Variants in TMEM131 observed in about 807,000 individuals in gnomAD.
TMEM131 encodes 2610524E03Rik.
A neutral mutation model predicts 211.6 loss-of-function variants in TMEM131; 66 were observed. That is an observed-to-expected ratio of 0.31 (90% CI 0.26 to 0.38). TMEM131 has a LOEUF of 0.38. TMEM131 is among the 10% of genes least tolerant of loss of function. The pLI is 1.00. For missense variants in TMEM131, 2,036 were observed against 2,299.3 expected, an observed-to-expected ratio of 0.89 and a Z score of 2.34; for synonymous variants, 844 against 841.3, an observed-to-expected ratio of 1.00 and a Z score of -0.06.
intron 1 of TMEM131, among the ~76,000 whole-genome samples, chr2:97,962,981 C>T (rs545004421): frequency 7.4e-4 from 113 of 152,108 alleles, no homozygotes; most frequent in Non-Finnish European, 1.2e-3. Flanking sequence ...AAAAGCAGAG[C>T]AATAGTTGTT....
rs558236735 is a variant in TMEM131 at position 97,832,358 on chromosome 2, T to C, written c.1074+1007A>G. On this transcript the variant is annotated intron_variant, in intron 11 of 40. Coordinates refer to ENST00000186436, the MANE Select transcript of TMEM131 (RefSeq NM_015348.2). ...TACGTAAAAAGTTAGGCTGGTTTGC[T>C]TGGGCTAAGTAAAGGCACTTTCCCA... Among the ~76,000 whole-genome samples the C allele has an allele frequency of 2.8e-4, 42 of 152,362 alleles. 1 individual carries two copies. In the South Asian group the frequency reaches 7.9e-3, roughly 29 times the overall value.
At chr2:97,857,779 T>C (rs1057370055) in intron 5 of TMEM131, among the ~76,000 whole-genome samples, 1 of 152,186 alleles carries the variant, frequency 6.6e-6, no homozygotes, top group Non-Finnish European at 1.5e-5. Flanking sequence ...TGTCACTCAC[T>C]GCATGACTGG....
At chr2:97,765,146 G>A (rs1028405584) in intron 35 of TMEM131, 3 of 152,234 alleles carry the variant, frequency 2.0e-5, no homozygotes, top group Non-Finnish European at 4.4e-5. Flanking sequence ...CTGAGTGAAG[G>A]ATTTAGGATT....
chr2:97,834,703 T>C, intron 9 of TMEM131, 26 bp from the exon 10 acceptor site: 9 of 1,595,012 alleles, frequency 5.6e-6, no homozygotes, highest in Non-Finnish European at 7.7e-6. Flanking sequence ...AGTCAACAAT[T>C]ATTTTTCACT....
chr2:97,994,623 A>T (rs1423810160), intron 1 of TMEM131, among the ~76,000 whole-genome samples: 1 of 152,164 alleles, frequency 6.6e-6, no homozygotes, highest in Non-Finnish European at 1.5e-5. Context: ...CTATTCACTT[A>T]GTCAATTCTT....
intron 4 of TMEM131, among the ~76,000 whole-genome samples, chr2:97,885,044 C>A (rs1215988208): frequency 1.3e-5 from 2 of 152,084 alleles, no homozygotes; most frequent in Admixed American, 6.5e-5. Flanking sequence ...ATTCTTTTTC[C>A]TTTCTTTGTA....
chr2:97,777,715 T>C lies in TMEM131; in HGVS notation c.4145-1697A>G, dbSNP rs192966465. On this transcript the variant is annotated intron_variant, in intron 31 of 40. Transcript: ENST00000186436. ...TAACTTGGATAGTAAGTCTCAAAAA[T>C]TGAAGGGGCATCTCGTTTCAAGCAT... Among the ~76,000 whole-genome samples the C allele has an allele frequency of 7.2e-5, 11 of 152,332 alleles. No individual in the cohort carries two copies. In the East Asian group the frequency reaches 1.5e-3, roughly 21 times the overall value.
chr2:97,837,828 A>C (rs1683004145), intron 7 of TMEM131, among the ~76,000 whole-genome samples: 1 of 152,182 alleles, frequency 6.6e-6, no homozygotes, highest in African/African-American at 2.4e-5. Context: ...TAAGATATTA[A>C]ATATATCCAT....
At chr2:97,847,705 A>G (rs911573195) in intron 5 of TMEM131, among the ~76,000 whole-genome samples, 7 of 152,210 alleles carry the variant, frequency 4.6e-5, no homozygotes, top group Non-Finnish European at 2.9e-5. Context: ...AAAGCAGTAC[A>G]CTGATAGAAA....
chr2:97,927,731 C>T (rs957250937), intron 1 of TMEM131, among the ~76,000 whole-genome samples: 1 of 152,014 alleles, frequency 6.6e-6, no homozygotes, highest in African/African-American at 2.4e-5. Context: ...TTCAAAATAT[C>T]CATTACTGTT....
At chr2:97,963,178 G>C (rs1440062606) in intron 1 of TMEM131, among the ~76,000 whole-genome samples, 1 of 152,132 alleles carries the variant, frequency 6.6e-6, no homozygotes, top group Admixed American at 6.5e-5. Flanking sequence ...AATAGAGTTG[G>C]CTAAAACATA....
chr2:97,783,799 A>G (rs999005367), intron 31 of TMEM131, among the ~76,000 whole-genome samples: 5 of 152,246 alleles, frequency 3.3e-5, no homozygotes, highest in Non-Finnish European at 5.9e-5. Context: ...ATGTAATTAA[A>G]AAGACAGAGA....
At chr2:97,911,688 AG>A in intron 2 of TMEM131, 1 of 980,296 alleles carries the variant, frequency 1.0e-6, no homozygotes, top group South Asian at 4.7e-5. Flanking sequence ...AAATAAAGTT[AG>A]AAAATCAGAA....
chr2:97,942,367 C>T (rs907476530), intron 1 of TMEM131, among the ~76,000 whole-genome samples: 50 of 151,032 alleles, frequency 3.3e-4, no homozygotes, highest in African/African-American at 9.3e-4. Context: ...AGGAGAAATA[C>T]CTAATGTAAA....
At chr2:97,895,486 T>G (rs1675571689) in intron 3 of TMEM131, among the ~76,000 whole-genome samples, 1 of 152,222 alleles carries the variant, frequency 6.6e-6, no homozygotes, top group African/African-American at 2.4e-5. Flanking sequence ...TGGTTGTGAA[T>G]CTGTCTGGTC....
chr2:97,932,563 G>C (rs551032841), intron 1 of TMEM131, among the ~76,000 whole-genome samples: 1 of 152,256 alleles, frequency 6.6e-6, no homozygotes, highest in Non-Finnish European at 1.5e-5. Flanking sequence ...AGATGAGCCA[G>C]AAAGGTTTTT....
intron 1 of TMEM131, 141 bp downstream of exon 1, chr2:97,995,335 G>A (rs1237485295): frequency 3.7e-6 from 3 of 803,036 alleles, no homozygotes; most frequent in Non-Finnish European, 3.3e-6. Context: ...GCGCCGCGAG[G>A]TCCCGGCTCG....
chr2:97,862,186 CT>C (rs1674096838), intron 4 of TMEM131, among the ~76,000 whole-genome samples: 1 of 152,026 alleles, frequency 6.6e-6, no homozygotes, highest in African/African-American at 2.4e-5. Flanking sequence ...GGGGTGCCCC[CT>C]AATGCAGATA....
chr2:97,957,713 A>G (rs1272424688), intron 1 of TMEM131, among the ~76,000 whole-genome samples: 2 of 152,264 alleles, frequency 1.3e-5, no homozygotes, highest in Non-Finnish European at 2.9e-5. Flanking sequence ...TTTTGAAAAC[A>G]TGCGGGAAAG....
Sources: allele counts gnomAD v4.1 joint callset (sites outside exome capture counted in the v4.1 genomes callset), GRCh38; gene constraint gnomAD v4.1.1; transcripts MANE v1.5; gene names NCBI Gene and HGNC (gene_info 2026-07-23, HGNC 2026-07-21).